Variants in SEC24D observed in about 807,000 individuals in gnomAD.
SEC24D encodes SEC24 homolog D, COPII component, also known as protein transport protein Sec24D.
SEC24D carries 69 observed loss-of-function variants against 116.9 expected under a neutral mutation model. That is an observed-to-expected ratio of 0.59 (90% CI 0.49 to 0.72). SEC24D has a LOEUF of 0.72. SEC24D is among the 30% of genes least tolerant of loss of function. The pLI is 0.00. For synonymous variants in SEC24D, 405 were observed against 442.8 expected, an observed-to-expected ratio of 0.91 and a Z score of 1.07; for missense variants, 1,131 against 1,264.1, an observed-to-expected ratio of 0.89 and a Z score of 1.60.
At position 118,834,328 on chromosome 4, in the gene SEC24D, T is replaced by C. The variant is rs991328124; in HGVS notation, c.-41-591A>G. Among the ~76,000 whole-genome samples the C allele has an allele frequency of 4.6e-5, 7 of 152,326 alleles. No individual in the cohort carries two copies. In the East Asian group the frequency reaches 9.6e-4, roughly 21 times the overall value. On this transcript the variant is annotated intron_variant, in intron 1 of 22. Transcript: ENST00000280551. Reference sequence around the variant, plus strand: ...GGTCACTATAACCACTTGAGTGTTGTCAGTGGTTTTTCAAAGGCGACAGAA... The same window carrying C: ...GGTCACTATAACCACTTGAGTGTTGCCAGTGGTTTTTCAAAGGCGACAGAA...
chr4:118,739,849 A>G (rs1392728086), intron 17 of SEC24D, among the ~76,000 whole-genome samples: 1 of 152,200 alleles, frequency 6.6e-6, no homozygotes. Flanking sequence ...TTTGGAAACT[A>G]TGACCATGTA....
chr4:118,773,094 TA>T (rs201090531), intron 8 of SEC24D, among the ~76,000 whole-genome samples: 5 of 151,638 alleles, frequency 3.3e-5, no homozygotes, highest in African/African-American at 1.2e-4. Flanking sequence ...TCACTAATTT[TA>T]AAAAAAAACT....
At chr4:118,789,806 G>C (rs571607760) in intron 8 of SEC24D, among the ~76,000 whole-genome samples, 1 of 152,092 alleles carries the variant, frequency 6.6e-6, no homozygotes, top group African/African-American at 2.4e-5. Context: ...GGATGGTCTT[G>C]ATCTCCTGAC....
intron 8 of SEC24D, among the ~76,000 whole-genome samples, chr4:118,773,031 T>C (rs1447325298): frequency 6.6e-6 from 1 of 152,142 alleles, no homozygotes; most frequent in Non-Finnish European, 1.5e-5. Flanking sequence ...AGTTCTAATA[T>C]ACACACACAA....
intron 8 of SEC24D, among the ~76,000 whole-genome samples, chr4:118,789,924 G>C (rs1327324659): frequency 1.3e-5 from 2 of 152,164 alleles, no homozygotes; most frequent in African/African-American, 4.8e-5. Flanking sequence ...TTATTTATTT[G>C]TTAAGTCATA....
intron 2 of SEC24D, among the ~76,000 whole-genome samples, chr4:118,831,501 T>C (rs114462478): frequency 0.044 from 6,651 of 152,240 alleles, 200 homozygotes; most frequent in Non-Finnish European, 0.064. Context: ...ACTGGAAATA[T>C]GGGTCTAGAG....
Position 118,803,424 on chromosome 4 carries a change from C to G in SEC24D, c.913+2419G>C, listed in dbSNP as rs922646035. ...CTGGCAACCCTCCCCTCCCCCATCT[C>G]CCTAGTCTTGTGGGTTACACTTGCT... On this transcript the variant is annotated intron_variant, in intron 7 of 22. Coordinates refer to ENST00000280551, the MANE Select transcript of SEC24D (RefSeq NM_014822.4). Among the ~76,000 whole-genome samples the G allele has an allele frequency of 3.9e-5, 6 of 152,268 alleles. No individual in the cohort carries two copies. In the East Asian group the frequency reaches 1.2e-3, roughly 29 times the overall value.
chr4:118,743,170 A>G (rs191030953), intron 15 of SEC24D, among the ~76,000 whole-genome samples: 35 of 152,258 alleles, frequency 2.3e-4, no homozygotes, highest in African/African-American at 7.9e-4. Flanking sequence ...AATAATTTAA[A>G]ACAAATATGC....
At chr4:118,724,653 A>C (rs1272451500) in intron 22 of SEC24D, among the ~76,000 whole-genome samples, 1 of 152,200 alleles carries the variant, frequency 6.6e-6, no homozygotes, top group Non-Finnish European at 1.5e-5. Flanking sequence ...TCTAAGAAGA[A>C]ACCCACAGGG....
At position 118,739,267 on chromosome 4, in the gene SEC24D, T is replaced by G. The variant is rs748592701; in HGVS notation, c.2259A>C (p.Thr753=). 5.6e-6 allele frequency: 9 copies of G among 1,613,666 alleles called. No homozygotes were observed. Among genetic ancestry groups the G allele is most frequent in the South Asian group, 5.5e-5 (5 of 91,064 alleles). ...TCCGAAGTCTTCTTTGACCACTGAT[T>G]GTCGTGTAAAGCACAGCACACTGTA... ...ALIQCAVLYT[T]ISGQRRLRIH... is the part of the protein sequence containing the mutation. The change falls in exon 18 of 23, where the codon ACA becomes ACC. Residue 753 remains threonine (T), a synonymous_variant. Coordinates refer to ENST00000280551, the MANE Select transcript of SEC24D (RefSeq NM_014822.4).
intron 8 of SEC24D, among the ~76,000 whole-genome samples, chr4:118,790,016 AAGTT>A (rs1354165209): frequency 6.6e-6 from 1 of 152,194 alleles, no homozygotes; most frequent in East Asian, 1.9e-4. Flanking sequence ...CATTGTACGA[AAGTT>A]AGCTGCATTC....
At chr4:118,747,553 A>C (rs929211275) in intron 13 of SEC24D, among the ~76,000 whole-genome samples, 3 of 152,138 alleles carry the variant, frequency 2.0e-5, no homozygotes, top group African/African-American at 7.2e-5. Flanking sequence ...GGTGTAAGCC[A>C]CCATGCCCAG....
intron 11 of SEC24D, among the ~76,000 whole-genome samples, chr4:118,755,505 G>C (rs903461168): frequency 6.7e-6 from 1 of 148,800 alleles, no homozygotes; most frequent in African/African-American, 2.5e-5. Context: ...AGCTTGATCT[G>C]AATAACAGAT....
intron 8 of SEC24D, chr4:118,769,758 T>C (rs1428641431): frequency 1.3e-5 from 2 of 152,242 alleles, no homozygotes; most frequent in African/African-American, 2.4e-5. Context: ...CTTCCCCGCA[T>C]CTTGCCTCAA....
chr4:118,766,109 C>G, intron 9 of SEC24D, among the ~76,000 whole-genome samples: 1 of 151,462 alleles, frequency 6.6e-6, no homozygotes, highest in African/African-American at 2.4e-5. Flanking sequence ...CATAGTATAA[C>G]ATACAATTCA....
chr4:118,747,619 G>A (rs1726607139), intron 13 of SEC24D, among the ~76,000 whole-genome samples: 1 of 151,932 alleles, frequency 6.6e-6, no homozygotes, highest in African/African-American at 2.4e-5. Context: ...ATATCAAAGA[G>A]GGTATAAAGC....
chr4:118,751,966 T>C (rs1024194163), intron 13 of SEC24D, 30 bp downstream of exon 13: 19 of 1,369,982 alleles, frequency 1.4e-5, no homozygotes, highest in Non-Finnish European at 1.7e-5. Flanking sequence ...AAAATTTATT[T>C]ACTAGCAATT....
intron 6 of SEC24D, among the ~76,000 whole-genome samples, chr4:118,812,448 T>C (rs116697254): frequency 0.044 from 6,639 of 152,056 alleles, 201 homozygotes; most frequent in Non-Finnish European, 0.064. Flanking sequence ...TATAAAAACC[T>C]GAGTTCCTAG....
chr4:118,822,775 T>C (rs1730451883), intron 3 of SEC24D, among the ~76,000 whole-genome samples: 1 of 152,020 alleles, frequency 6.6e-6, no homozygotes, highest in Non-Finnish European at 1.5e-5. Context: ...GGTCTCATCA[T>C]GTTGCCCAGG....
Sources: allele counts gnomAD v4.1 joint callset (sites outside exome capture counted in the v4.1 genomes callset), GRCh38; gene constraint gnomAD v4.1.1; transcripts MANE v1.5; gene names NCBI Gene and HGNC (gene_info 2026-07-23, HGNC 2026-07-21).